The following KMT5B variants were observed in gnomAD, a reference collection of about 807,000 sequenced individuals.
KMT5B encodes the protein lysine methyltransferase 5B.
Under a neutral mutation model 83.2 loss-of-function variants are expected in KMT5B, and 10 were observed. The observed-to-expected ratio is 0.12, with a 90% CI of 0.07 to 0.20. The LOEUF (loss-of-function observed/expected upper bound fraction) is 0.20, where lower values mean the gene tolerates loss of function less well. Among genes scored for constraint, KMT5B ranks in the 10% least tolerant of loss-of-function variants. KMT5B has a pLI of 1.00. For missense variants in KMT5B, 753 were observed against 1,067.2 expected, an observed-to-expected ratio of 0.71 and a Z score of 4.10; for synonymous variants, 349 against 388.8, an observed-to-expected ratio of 0.90 and a Z score of 1.20.
At chr11:68,211,582 C>T (rs1268136012) in intron 1 of KMT5B, among the ~76,000 whole-genome samples, 1 of 152,194 alleles carries the variant, frequency 6.6e-6, no homozygotes, top group Non-Finnish European at 1.5e-5. Context: ...CTATGAGCAC[C>T]TACTCTGTAC....
rs1360534436 is a variant in KMT5B, at chr11:68,190,100, T to A, written c.-24A>T. The A allele has an allele frequency of 1.9e-6, 3 of 1,609,782 alleles. No individual in the cohort carries two copies. In the South Asian group the frequency reaches 3.3e-5, roughly 18 times the overall value. Reference sequence around the variant, plus strand: ...ATACCCACAGACAGCCTGACCCAGGTGCATTTAGTCACTCTCTTCAAATAG... The same window carrying A: ...ATACCCACAGACAGCCTGACCCAGGAGCATTTAGTCACTCTCTTCAAATAG... On this transcript the variant is annotated 5_prime_UTR_variant, in exon 2 of 11. Coordinates refer to ENST00000304363, the MANE Select transcript of KMT5B (RefSeq NM_017635.5).
chr11:68,167,629 A>T (rs143020155), intron 9 of KMT5B, among the ~76,000 whole-genome samples: 3,046 of 150,976 alleles, frequency 0.02, 107 homozygotes, highest in African/African-American at 0.069. Flanking sequence ...TAATTTTTAA[A>T]TTTTTTTTTG....
In KMT5B at chr11:68,171,521, A is replaced by G. The variant is rs749834181; in HGVS notation, c.820+22T>C. The G allele has an allele frequency of 5.6e-6, 9 of 1,610,134 alleles. No individual in the cohort carries two copies. Among genetic ancestry groups the G allele is most frequent in the South Asian group, 5.6e-5 (5 of 90,084 alleles). On this transcript the variant is annotated intron_variant, in intron 7 of 10. Transcript: ENST00000304363. This position sits in a 1 kb window ranked among gnomAD's most constrained non-coding sequence, Gnocchi z 5.1. ...GCAGGAATGGCCAACACTAGCGCCA[A>G]CACCTTGGAAACACAGCTTACCATG... is the stretch of plus-strand genomic sequence containing the variant.
chr11:68,161,452 TCTC>T (rs1399970389), intron 10 of KMT5B, among the ~76,000 whole-genome samples: 2 of 151,920 alleles, frequency 1.3e-5, no homozygotes, highest in African/African-American at 4.8e-5. Flanking sequence ...ACCTTTGATT[TCTC>T]CTCTTTCCAT....
intron 1 of KMT5B, among the ~76,000 whole-genome samples, chr11:68,198,101 A>G (rs1047825546): frequency 6.6e-6 from 1 of 152,222 alleles, no homozygotes; most frequent in East Asian, 1.9e-4. Flanking sequence ...ATACTGTAGT[A>G]GAGTATAGAC....
chr11:68,165,574 T>C (rs895436161), intron 10 of KMT5B: 3 of 314,172 alleles, frequency 9.5e-6, no homozygotes, highest in Non-Finnish European at 1.1e-5. Flanking sequence ...TAGGCTCAAG[T>C]GACCCTCCCA....
intron 10 of KMT5B, chr11:68,166,342 CCACACACCA>C: frequency 9.6e-7 from 1 of 1,040,336 alleles, no homozygotes; most frequent in Non-Finnish European, 1.2e-6. Flanking sequence ...GATCTTGCCC[CCACACACCA>C]CTGGAATCTC....
At chr11:68,200,684 T>TA (rs796885405) in intron 1 of KMT5B, among the ~76,000 whole-genome samples, 3 of 152,220 alleles carry the variant, frequency 2.0e-5, no homozygotes, top group Non-Finnish European at 4.4e-5. Context: ...GGATCTGTGT[T>TA]AAAAAAATTT....
chr11:68,207,162 C>T (rs930223502), intron 1 of KMT5B, among the ~76,000 whole-genome samples: 1 of 149,542 alleles, frequency 6.7e-6, no homozygotes, highest in Non-Finnish European at 1.5e-5. Context: ...TGCAGTGAGC[C>T]AAGATTGCGC....
chr11:68,170,267 T>C (rs1290511773), intron 9 of KMT5B, among the ~76,000 whole-genome samples: 1 of 152,176 alleles, frequency 6.6e-6, no homozygotes, highest in African/African-American at 2.4e-5. Flanking sequence ...ACCTCCTAGC[T>C]CTCTCATGAA....
intron 1 of KMT5B, among the ~76,000 whole-genome samples, chr11:68,205,582 C>T (rs546414836): frequency 6.6e-6 from 1 of 151,714 alleles, no homozygotes; most frequent in Non-Finnish European, 1.5e-5. Context: ...AAGGAGCAAA[C>T]TATCCACTAC....
At chr11:68,174,772 G>A (rs950566217) in intron 5 of KMT5B, among the ~76,000 whole-genome samples, 1 of 151,898 alleles carries the variant, frequency 6.6e-6, no homozygotes, top group African/African-American at 2.4e-5. Context: ...CGAAGTCCTG[G>A]CCTCAAGCAA....
chr11:68,171,369 G>A lies in KMT5B; in HGVS notation c.821-118C>T. ...CTTTACAACTTTTGATAGGAGTTTA[G>A]GTCTCAAGTTCAACTAAAGGAATAT... is the stretch of plus-strand genomic sequence containing the variant. On this transcript the variant is annotated intron_variant, in intron 7 of 10. Transcript: ENST00000304363. The surrounding 1 kb of genome is among the most constrained non-coding windows in gnomAD (Gnocchi z 5.1). The A allele has an allele frequency of 7.5e-7, 1 of 1,325,870 alleles. No homozygotes were observed. Among genetic ancestry groups the A allele is most frequent in the Non-Finnish European group, 1.1e-6 (1 of 949,340 alleles). The allele number at this position is 1,325,870 out of a possible 1,614,324, so 82.1% of individuals were successfully genotyped here.
intron 2 of KMT5B, among the ~76,000 whole-genome samples, chr11:68,188,780 G>GACCAGAATGA (rs1262929108): frequency 6.6e-6 from 1 of 152,190 alleles, no homozygotes; most frequent in Non-Finnish European, 1.5e-5. Flanking sequence ...CTAGTTTGCT[G>GACCAGAATGA]ACCAGAATGA....
chr11:68,165,723 T>G, intron 10 of KMT5B: 19 of 1,397,348 alleles, frequency 1.4e-5, no homozygotes, highest in Non-Finnish European at 1.8e-5. Context: ...CAAATGGTCG[T>G]TATGCTGCAT....
rs1051201999 is a variant in KMT5B at position 68,155,093 on chromosome 11, T to G, written c.*2595A>C. 1 of 152,238 alleles carries G rather than the reference T, an allele frequency of 6.6e-6. No homozygotes were observed. Among genetic ancestry groups the G allele is most frequent in the African/African-American group, 2.4e-5 (1 of 41,468 alleles). 9.4% of individuals were successfully genotyped at this position (152,238 alleles called of 1,614,324 possible). On this transcript the variant is annotated 3_prime_UTR_variant, in exon 11 of 11. Coordinates refer to ENST00000304363, the MANE Select transcript of KMT5B (RefSeq NM_017635.5). ...GAAAATGATTGAAAATTGAATACTT[T>G]ACATATATTTCTATGATCATCTCCT...
intron 1 of KMT5B, among the ~76,000 whole-genome samples, chr11:68,197,771 A>C (rs1858897965): frequency 1.3e-5 from 2 of 152,216 alleles, no homozygotes; most frequent in South Asian, 2.1e-4. Context: ...ACTAGTATGA[A>C]TGCACTGCAC....
chr11:68,202,789 T>G (rs1859619469), intron 1 of KMT5B, among the ~76,000 whole-genome samples: 1 of 152,084 alleles, frequency 6.6e-6, no homozygotes, highest in Non-Finnish European at 1.5e-5. Flanking sequence ...CCTCGTGATT[T>G]GCCCACCTCG....
chr11:68,208,407 C>A (rs572238959), intron 1 of KMT5B, among the ~76,000 whole-genome samples: 6 of 151,860 alleles, frequency 4.0e-5, no homozygotes, highest in African/African-American at 1.5e-4. Context: ...GAGCCAAGAT[C>A]GCGCCACTGC....
Sources: gnomAD v4.1 joint callset for allele counts (sites outside exome capture counted in the v4.1 genomes callset) on GRCh38, gnomAD v4.1.1 for gene constraint, Gnocchi (gnomAD v3.1) non-coding constraint, MANE v1.5 for transcripts, NCBI Gene and HGNC (gene_info 2026-07-23, HGNC 2026-07-21) for gene names.